STAG2: variants seen among roughly 807,000 people sequenced by gnomAD.
The protein encoded by STAG2 is STAG2 cohesin complex component, also known as cohesin subunit SA-2.
Under a neutral mutation model 108.1 loss-of-function variants are expected in STAG2, and 14 were observed. The ratio of observed to expected loss-of-function variants is 0.13; its 90% confidence interval spans 0.09 to 0.20. STAG2 has a LOEUF of 0.20. Among genes scored for constraint, STAG2 ranks in the 10% least tolerant of loss-of-function variants. The pLI is 1.00. For missense variants in STAG2, 440 were observed against 940.9 expected (o/e 0.47, Z 6.96); for synonymous variants, 307 against 302.7 (o/e 1.01, Z -0.15).
rs1457717989 is a variant in STAG2 at position 124,021,419 on chromosome X, T to G, written c.-110T>G. ...GGAATAAAAGAAAAACATAAGAAAA[T>G]TATAAGAGAAAGGTACACATAAGAC... is the stretch of plus-strand genomic sequence containing the variant. On this transcript the variant is annotated 5_prime_UTR_variant, in exon 2 of 35. Transcript: ENST00000371145. 1 of 111,650 alleles carries G rather than the reference T, an allele frequency of 9.0e-6. No homozygotes were observed. The highest frequency in any genetic ancestry group is 1.9e-5 in the Non-Finnish European group (1 of 53,098). 9.2% of individuals were successfully genotyped at this position (111,650 alleles called of 1,213,427 possible). A position where few individuals can be genotyped will look rare whatever the true frequency, so the allele number is the denominator to read the frequency against.
At chrX:124,072,900 C>CT (rs2058704912) in intron 25 of STAG2, among the ~76,000 whole-genome samples, 4 of 84,798 alleles carry the variant, frequency 4.7e-5, no homozygotes, top group African/African-American at 1.4e-4. Context: ...TTCTTTCTTT[C>CT]TTTCTTTTTT....
At chrX:124,092,289 TG>T (rs1454505376) in intron 32 of STAG2, among the ~76,000 whole-genome samples, 2 of 111,898 alleles carry the variant, frequency 1.8e-5, no homozygotes, top group Non-Finnish European at 3.8e-5. Flanking sequence ...CTGGTTAATA[TG>T]GTCATCATCT....
At chrX:124,092,540 A>G (rs1292156747) in intron 32 of STAG2, among the ~76,000 whole-genome samples, 1 of 111,544 alleles carries the variant, frequency 9.0e-6, no homozygotes, top group East Asian at 2.8e-4. Flanking sequence ...TTAATTCCCA[A>G]TTATAGTTAA....
intron 3 of STAG2, among the ~76,000 whole-genome samples, chrX:124,023,803 A>G (rs1010812299): frequency 1.8e-5 from 2 of 111,608 alleles, no homozygotes; most frequent in African/African-American, 6.5e-5. Flanking sequence ...TCAAATAATG[A>G]GGACCTGAAA....
At chrX:124,071,610 G>A (rs1264954793) in intron 25 of STAG2, among the ~76,000 whole-genome samples, 1 of 111,715 alleles carries the variant, frequency 9.0e-6, no homozygotes, top group African/African-American at 3.3e-5. Context: ...CAAATGACTA[G>A]TACAGTGCCT....
rs183589028 is a variant in STAG2 at position 124,041,424 on chromosome X, C to T, written c.386-1145C>T. ...ATTTACAGCTATGTATATACACAGG[C>T]GCGCGCACACACACAGATGCATGCA... On this transcript the variant is annotated intron_variant, in intron 6 of 34. Coordinates refer to ENST00000371145, the MANE Select transcript of STAG2 (RefSeq NM_001042750.2). 5.5e-5 allele frequency among the ~76,000 whole-genome samples: 6 copies of T among 109,401 alleles called. No homozygotes were observed. In the Admixed American group the frequency reaches 5.9e-4, roughly 11 times the overall value.
rs1256745262 is a variant in STAG2 at position 123,972,289 on chromosome X, C to CT, written c.-163+10442dup. Among the ~76,000 whole-genome samples the CT allele has an allele frequency of 2.5e-3, 161 of 63,209 alleles. 2 individuals carry two copies. Among genetic ancestry groups the CT allele is most frequent in the African/African-American group, 9.1e-3 (154 of 16,864 alleles). 54.9% of individuals were successfully genotyped at this position (63,209 alleles called of 115,157 possible). On this transcript the variant is annotated intron_variant, in intron 1 of 34. Coordinates refer to ENST00000371145, the MANE Select transcript of STAG2 (RefSeq NM_001042750.2). ...GGTGTAACTATCATTTTTTTTTTTT[C>CT]TTTTTTTTTGAGGTGGAGTCGCCCA...
chrX:123,967,803 T>C (rs759816339), intron 1 of STAG2, among the ~76,000 whole-genome samples: 3 of 111,343 alleles, frequency 2.7e-5, no homozygotes, highest in Middle Eastern at 4.2e-3. Flanking sequence ...GTGGTAAGTA[T>C]TTGTGTTTGA....
chrX:123,989,838 G>T (rs2055363402), intron 1 of STAG2, among the ~76,000 whole-genome samples: 2 of 110,313 alleles, frequency 1.8e-5, no homozygotes, highest in Non-Finnish European at 3.8e-5. Flanking sequence ...TCCTGACCTT[G>T]TGATCCACCC....
upstream of STAG2, chrX:123,960,908 G>A (rs2053819018): frequency 8.9e-6 from 1 of 112,172 alleles, no homozygotes; most frequent in Non-Finnish European, 1.9e-5. Flanking sequence ...TAGAAGTTTG[G>A]AGGGGCACCC....
intron 27 of STAG2, 99 bp downstream of exon 27, chrX:124,078,157 A>G: frequency 1.8e-6 from 1 of 562,136 alleles, no homozygotes. Context: ...GCAATAGGCA[A>G]TTTATAAAAG....
intron 25 of STAG2, among the ~76,000 whole-genome samples, chrX:124,072,221 T>C (rs765235340): frequency 2.7e-5 from 3 of 111,307 alleles, no homozygotes; most frequent in Admixed American, 9.6e-5. Flanking sequence ...CCCAGGCTGG[T>C]CTTGAATTCC....
intron 16 of STAG2, 116 bp downstream of exon 16, chrX:124,061,457 G>A (rs951444423): frequency 1.3e-5 from 7 of 533,938 alleles, no homozygotes; most frequent in African/African-American, 2.4e-5. Context: ...ATCTTACTTC[G>A]TGCATAGTTT....
chrX:123,986,093 T>C (rs1367284577), intron 1 of STAG2, among the ~76,000 whole-genome samples: 2 of 105,706 alleles, frequency 1.9e-5, no homozygotes, highest in East Asian at 2.9e-4. Context: ...ATATATGATA[T>C]ATATCATGTA....
chrX:124,056,064 T>C (rs1474536508), intron 13 of STAG2, 64 bp from the exon 14 acceptor site: 1 of 676,264 alleles, frequency 1.5e-6, no homozygotes, highest in African/African-American at 2.2e-5. Context: ...CATAAGTTTT[T>C]GTACTGTTAA....
chrX:124,009,475 A>G (rs2056449622), intron 1 of STAG2, among the ~76,000 whole-genome samples: 2 of 109,933 alleles, frequency 1.8e-5, no homozygotes, highest in African/African-American at 6.6e-5. Flanking sequence ...AGATAGATAG[A>G]TATCTCTTCT....
At chrX:124,076,940 T>A (rs1482685166) in intron 26 of STAG2, among the ~76,000 whole-genome samples, 1 of 110,905 alleles carries the variant, frequency 9.0e-6, no homozygotes, top group Non-Finnish European at 1.9e-5. Context: ...AAGTCTGATT[T>A]GATTAACCAT....
chrX:124,049,115 G>A lies in STAG2; in HGVS notation c.893+37G>A, dbSNP rs769212208. Reference sequence around the variant, plus strand: ...CAGTTTTTTTCATAAATAGCATTATGTAATTTCTACTCAGCAAGTTTGCAT... The same window carrying A: ...CAGTTTTTTTCATAAATAGCATTATATAATTTCTACTCAGCAAGTTTGCAT... On this transcript the variant is annotated intron_variant, in intron 10 of 34. Coordinates refer to ENST00000371145, the MANE Select transcript of STAG2 (RefSeq NM_001042750.2). The A allele has an allele frequency of 4.8e-6, 5 of 1,046,279 alleles. No homozygotes were observed. In the South Asian group the frequency reaches 6.0e-5, roughly 13 times the overall value. 86.2% of individuals were successfully genotyped at this position (1,046,279 alleles called of 1,213,427 possible). A position where few individuals can be genotyped will look rare whatever the true frequency, so the allele number is the denominator to read the frequency against.
chrX:123,990,902 A>G (rs750776806), intron 1 of STAG2, among the ~76,000 whole-genome samples: 48 of 111,656 alleles, frequency 4.3e-4, no homozygotes, highest in Non-Finnish European at 7.3e-4. Flanking sequence ...ATATTCCTGT[A>G]CCCACTTGCC....
Sources: allele counts gnomAD v4.1 joint callset (sites outside exome capture counted in the v4.1 genomes callset), GRCh38; gene constraint gnomAD v4.1.1; transcripts MANE v1.5; gene names NCBI Gene and HGNC (gene_info 2026-07-23, HGNC 2026-07-21).